SAMD4A: variants seen among roughly 807,000 people sequenced by gnomAD.
SAMD4A encodes protein Smaug homolog 1.
In SAMD4A, 33 loss-of-function variants were observed where a neutral mutation model predicts 81.3. The ratio of observed to expected loss-of-function variants is 0.41; its 90% CI spans 0.31 to 0.54. SAMD4A has a LOEUF of 0.54. Ranked by LOEUF, SAMD4A falls within the 20% of genes least tolerant of loss-of-function variation. The pLI is 0.37. For missense variants in SAMD4A, 854 were observed against 951.1 expected (o/e 0.90, Z 1.34); for synonymous variants, 389 against 382.1 (o/e 1.02, Z -0.21).
At chr14:54,778,955 T>G (rs1370450992) in intron 11 of SAMD4A, among the ~76,000 whole-genome samples, 1 of 151,774 alleles carries the variant, frequency 6.6e-6, no homozygotes, top group Admixed American at 6.5e-5. Flanking sequence ...CCAATCATTG[T>G]CAAGGCCACA....
rs117781672 is a variant in SAMD4A at position 54,621,161 on chromosome 14, T to G, written c.196+53049T>G. On this transcript the variant is annotated intron_variant, in intron 2 of 12. Coordinates refer to ENST00000554335, the MANE Select transcript of SAMD4A (RefSeq NM_015589.6). ...ACCTTTAAGGCGAAGGTTTTGTGCA[T>G]TTCAACTCCCTGATTTCCTTTCCAA... Among the ~76,000 whole-genome samples the G allele has an allele frequency of 3.6e-3, 546 of 152,304 alleles. 2 individuals are homozygous for G. The highest frequency in any genetic ancestry group is 6.1e-3 in the Admixed American group (94 of 15,304).
At chr14:54,774,566 A>G (rs775983873) in intron 9 of SAMD4A, among the ~76,000 whole-genome samples, 1 of 151,730 alleles carries the variant, frequency 6.6e-6, no homozygotes, top group Non-Finnish European at 1.5e-5. Context: ...TGTAGTCCCA[A>G]CTACTCAAGA....
At chr14:54,592,392 T>C (rs2033801358) in intron 2 of SAMD4A, among the ~76,000 whole-genome samples, 1 of 152,224 alleles carries the variant, frequency 6.6e-6, no homozygotes, top group African/African-American at 2.4e-5. Context: ...TCCCCAAATA[T>C]GTATCCTTTC....
intron 2 of SAMD4A, chr14:54,687,525 T>C (rs1045581593): frequency 1.3e-5 from 5 of 373,442 alleles, no homozygotes; most frequent in African/African-American, 2.1e-5. Flanking sequence ...GTTGTGCTCA[T>C]GCTCCTAAAT....
At chr14:54,618,995 AAAAG>A (rs1221313430) in intron 2 of SAMD4A, among the ~76,000 whole-genome samples, 1 of 152,196 alleles carries the variant, frequency 6.6e-6, no homozygotes, top group Non-Finnish European at 1.5e-5. Context: ...TAGAAAGAAA[AAAAG>A]AGCCCCTTTA....
At chr14:54,568,690 CATATATATATATAT>C (rs59190435) in intron 2 of SAMD4A, among the ~76,000 whole-genome samples, 1,056 of 31,866 alleles carry the variant, frequency 0.033, 21 homozygotes, top group African/African-American at 0.058. Flanking sequence ...ACATTTGCAG[CATATATATATATAT>C]ATATATATAT....
intron 2 of SAMD4A, among the ~76,000 whole-genome samples, chr14:54,684,434 G>A (rs1388594287): frequency 2.0e-5 from 3 of 152,206 alleles, no homozygotes; most frequent in Non-Finnish European, 4.4e-5. Context: ...GGACCGAGGC[G>A]GGTGAGCCCA....
At chr14:54,630,146 C>T (rs1158280415) in intron 2 of SAMD4A, among the ~76,000 whole-genome samples, 2 of 152,192 alleles carry the variant, frequency 1.3e-5, no homozygotes, top group Non-Finnish European at 2.9e-5. Flanking sequence ...CAGGGGTTTA[C>T]AAAGATCTCT....
Position 54,567,928 on chromosome 14 carries a change from C to T in SAMD4A, c.12C>T (p.Arg4=). Residue 4 remains arginine, a synonymous_variant, in exon 2 of 13, where the codon CGC becomes CGT. Transcript: ENST00000554335. ...GCGGCCCCCTAACCATGATGTTTCG[C>T]GACCAGGTCGGGGTGCTGGCGGGCT... MMF[R]DQVGVLAGWF... The T allele has an allele frequency of 6.2e-7, 1 of 1,607,490 alleles. No homozygotes were observed. Among genetic ancestry groups the T allele is most frequent in the Non-Finnish European group, 8.5e-7 (1 of 1,178,812 alleles).
Position 54,760,347 on chromosome 14 carries a change from G to A in SAMD4A, c.1363G>A (p.Ala455Thr), listed in dbSNP as rs747879328. Residue 455 changes from alanine (A) to threonine (T), a missense_variant, in exon 7 of 13, where the codon GCA becomes ACA. Physicochemically the swap from Ala to Thr is moderately conservative, Grantham distance 58. Transcript: ENST00000554335. ...GAGCCCCGACTGCAAAGATGGGGCCGCAGCCACTGGCGCCACGGCCACCCC... is the reference window on the plus strand; with the variant it reads ...GAGCCCCGACTGCAAAGATGGGGCCACAGCCACTGGCGCCACGGCCACCCC... ...SQSPDCKDGA[A>T]ATGATATPSA... The A allele has an allele frequency of 1.4e-5, 22 of 1,588,032 alleles. No individual in the cohort carries two copies. Among genetic ancestry groups the A allele is most frequent in the South Asian group, 3.4e-5 (3 of 89,030 alleles).
At chr14:54,697,317 A>G (rs1304814882) in intron 2 of SAMD4A, among the ~76,000 whole-genome samples, 1 of 152,220 alleles carries the variant, frequency 6.6e-6, no homozygotes, top group East Asian at 1.9e-4. Context: ...CAGAGAGACC[A>G]GACGTACTCC....
At chr14:54,695,205 G>T (rs1410239118) in intron 2 of SAMD4A, among the ~76,000 whole-genome samples, 2 of 152,166 alleles carry the variant, frequency 1.3e-5, no homozygotes, top group Non-Finnish European at 2.9e-5. Flanking sequence ...AAAACTTAAT[G>T]ACTTAACATA....
At chr14:54,739,050 C>CTTTTT (rs780693462) in intron 4 of SAMD4A, among the ~76,000 whole-genome samples, 1 of 50,046 alleles carries the variant, frequency 2.0e-5, no homozygotes, top group Non-Finnish European at 3.3e-5. Context: ...TCTTTCTTTC[C>CTTTTT]TTTTCTTTTT....
chr14:54,670,017 T>G, intron 2 of SAMD4A, among the ~76,000 whole-genome samples: 1 of 152,224 alleles, frequency 6.6e-6, no homozygotes, highest in East Asian at 1.9e-4. Flanking sequence ...TGAAATGTTT[T>G]TGTGGCCACG....
At chr14:54,759,300 G>T (rs2038328797) in intron 6 of SAMD4A, among the ~76,000 whole-genome samples, 1 of 152,152 alleles carries the variant, frequency 6.6e-6, no homozygotes, top group African/African-American at 2.4e-5. Flanking sequence ...CTCAGGCCTA[G>T]GTGTCTGACG....
In SAMD4A at chr14:54,668,438, C is replaced by T. The variant is rs534651371; in HGVS notation, c.197-33624C>T. On this transcript the variant is annotated intron_variant, in intron 2 of 12. Coordinates refer to ENST00000554335, the MANE Select transcript of SAMD4A (RefSeq NM_015589.6). ...GAACTTATTTTCTATTTGTCAAGATCCCCTAAAAGGATCTTGGAGTTTACA... is the reference window on the plus strand; with the variant it reads ...GAACTTATTTTCTATTTGTCAAGATTCCCTAAAAGGATCTTGGAGTTTACA... 7.9e-5 allele frequency among the ~76,000 whole-genome samples: 12 copies of T among 152,258 alleles called. No homozygotes were observed. The South Asian group carries it at 2.5e-3, about 32-fold the overall frequency.
chr14:54,763,666 A>T (rs1047441108), intron 7 of SAMD4A, among the ~76,000 whole-genome samples: 1 of 152,206 alleles, frequency 6.6e-6, no homozygotes, highest in Non-Finnish European at 1.5e-5. Flanking sequence ...CTTGAGTGTC[A>T]GACATTTTTA....
intron 2 of SAMD4A, among the ~76,000 whole-genome samples, chr14:54,594,260 G>A (rs2033856536): frequency 6.6e-6 from 1 of 151,976 alleles, no homozygotes; most frequent in South Asian, 2.1e-4. Flanking sequence ...GGTACAGAAC[G>A]AAAATGCCAC....
chr14:54,757,378 T>C (rs2038267373), intron 6 of SAMD4A, among the ~76,000 whole-genome samples: 2 of 134,950 alleles, frequency 1.5e-5, no homozygotes, highest in Admixed American at 1.7e-4. Flanking sequence ...ATTTGGTTTC[T>C]TTATTTGTGT....
Sources: allele counts gnomAD v4.1 joint callset (sites outside exome capture counted in the v4.1 genomes callset), GRCh38; gene constraint gnomAD v4.1.1; transcripts MANE v1.5; gene names NCBI Gene and HGNC (gene_info 2026-07-23, HGNC 2026-07-21).